RARG: variants seen among roughly 807,000 people sequenced by gnomAD.
RARG encodes retinoic acid receptor gamma, also known as RAR-gamma.
A neutral mutation model predicts 43.7 loss-of-function variants in RARG; 17 were observed. The observed-to-expected ratio is 0.39, with a 90% CI of 0.27 to 0.58. RARG has a LOEUF of 0.58. Ranked by LOEUF, RARG falls within the 20% of genes least tolerant of loss-of-function variation. The probability of loss-of-function intolerance (pLI) is 0.57; values close to 1 mark genes in which losing one functional copy is unlikely to be tolerated. For missense variants in RARG, 346 were observed against 598.7 expected (o/e 0.58, Z 4.40); for synonymous variants, 238 against 236.4 (o/e 1.01, Z -0.06).
At chr12:53,214,723 T>A (rs1254478384) in intron 5 of RARG, 117 bp from the exon 6 acceptor site, 18 of 1,118,478 alleles carry the variant, frequency 1.6e-5, no homozygotes, top group Non-Finnish European at 2.0e-5. Context: ...TCTCTGGCAC[T>A]GTAATTACTG....
chr12:53,227,468 G>C lies in RARG; in HGVS notation c.78C>G (p.Pro26=), dbSNP rs771541377. The C allele has an allele frequency of 1.3e-5, 21 of 1,610,222 alleles. 1 individual carries two copies. The South Asian group carries it at 2.3e-4, about 18-fold the overall frequency. ...PGSGYPGAGF[P]FAFPGALRGS... ...CCCTGAGTGCCCCTGGGAAGGCGAA[G>C]GGGAAACCTGCCCCTGGGTAGCCAG... The change falls in exon 3 of 10, where the codon CCC becomes CCG. Residue 26 remains proline (P), a synonymous_variant. Coordinates refer to ENST00000425354, the MANE Select transcript of RARG (RefSeq NM_000966.6). This position sits in a 1 kb window ranked among gnomAD's most constrained non-coding sequence, Gnocchi z 4.3.
At chr12:53,217,435 A>G (rs1942808358) in intron 3 of RARG, among the ~76,000 whole-genome samples, 1 of 152,190 alleles carries the variant, frequency 6.6e-6, no homozygotes, top group Non-Finnish European at 1.5e-5. Flanking sequence ...CTGCCCGCAG[A>G]GCGCTGCCTC....
intron 3 of RARG, among the ~76,000 whole-genome samples, chr12:53,222,447 C>G (rs1205397306): frequency 1.3e-5 from 2 of 152,230 alleles, no homozygotes; most frequent in East Asian, 3.9e-4. Context: ...CTGTCAGTAC[C>G]CCCCTTCCCC....
Position 53,227,841 on chromosome 12 carries a change from C to T in RARG, c.-142-154G>A, listed in dbSNP as rs992229572. On this transcript the variant is annotated intron_variant, in intron 2 of 9. Transcript: ENST00000425354. The surrounding 1 kb of genome is among the most constrained non-coding windows in gnomAD (Gnocchi z 4.3). Reference sequence around the variant, plus strand: ...CCCTTGCAGTGTGGTAGAGAGGGCACGGCAGGGGGTTATGCAGGCTCTGAG... The same window carrying T: ...CCCTTGCAGTGTGGTAGAGAGGGCATGGCAGGGGGTTATGCAGGCTCTGAG... Among the ~76,000 whole-genome samples the T allele has an allele frequency of 2.0e-5, 3 of 152,170 alleles. No individual in the cohort carries two copies. The highest frequency in any genetic ancestry group is 2.1e-4 in the South Asian group (1 of 4,830).
Position 53,213,051 on chromosome 12 carries a change from G to A in RARG, c.1177+34C>T. ...CGACCTGGGAGACCAACAGCCCTGG[G>A]AAGACAGAGAGGGGACACCCACTCA... is the stretch of plus-strand genomic sequence containing the variant. On this transcript the variant is annotated intron_variant, in intron 9 of 9. Transcript: ENST00000425354. This position sits in a 1 kb window ranked among gnomAD's most constrained non-coding sequence, Gnocchi z 4.7. 1.9e-6 allele frequency: 3 copies of A among 1,585,764 alleles called. No individual in the cohort carries two copies. In the South Asian group the frequency reaches 3.5e-5, roughly 18 times the overall value.
intron 2 of RARG, among the ~76,000 whole-genome samples, chr12:53,229,089 T>C (rs1200531819): frequency 6.6e-6 from 1 of 152,014 alleles, no homozygotes. Context: ...TTGGCTTTCC[T>C]AGGAGCCCCA....
At chr12:53,216,823 T>A (rs1055861775) in intron 3 of RARG, among the ~76,000 whole-genome samples, 2 of 135,728 alleles carry the variant, frequency 1.5e-5, no homozygotes, top group African/African-American at 2.9e-5. Context: ...GCTGGGTAAG[T>A]GTGTGTGTGT....
chr12:53,214,331 A>G, intron 6 of RARG, 96 bp from the exon 7 acceptor site: 1 of 1,538,354 alleles, frequency 6.5e-7, no homozygotes. Flanking sequence ...TCTCCTCTGC[A>G]TTCTGATGCC....
intron 3 of RARG, among the ~76,000 whole-genome samples, chr12:53,226,337 T>A (rs1368850070): frequency 2.0e-5 from 3 of 152,006 alleles, no homozygotes; most frequent in Non-Finnish European, 1.5e-5. Flanking sequence ...TTTTATTTTT[T>A]ATCTTTTTGA....
At chr12:53,220,110 G>C (rs1486507614) in intron 3 of RARG, 11 of 1,550,232 alleles carry the variant, frequency 7.1e-6, no homozygotes, top group Non-Finnish European at 9.6e-6. Context: ...TCGCGACCCG[G>C]CTTGAAGGGA....
intron 1 of RARG, 35 bp downstream of exon 1, chr12:53,231,939 C>G (rs557816847): frequency 2.5e-5 from 10 of 395,356 alleles, no homozygotes; most frequent in African/African-American, 2.1e-4. Context: ...ACCCAGGCGA[C>G]GGGGCGGGCG....
intron 3 of RARG, among the ~76,000 whole-genome samples, chr12:53,224,943 G>A (rs1943071280): frequency 6.6e-6 from 1 of 152,132 alleles, no homozygotes; most frequent in Admixed American, 6.5e-5. Flanking sequence ...GGCGCAAGGG[G>A]GACGTCACTG....
Position 53,220,049 on chromosome 12 carries a change from C to T in RARG, c.185-4255G>A, listed in dbSNP as rs1592438368. 6.5e-6 allele frequency: 10 copies of T among 1,547,830 alleles called. No homozygotes were observed. The East Asian group carries it at 2.5e-4, about 38-fold the overall frequency. On this transcript the variant is annotated intron_variant, in intron 3 of 9. Coordinates refer to ENST00000425354, the MANE Select transcript of RARG (RefSeq NM_000966.6). ...AGCAAGCCGGCCCCGGGCCCGGCCGCCCCGTACAGCCGTCGCGGACCCGGG... is the reference window on the plus strand; with the variant it reads ...AGCAAGCCGGCCCCGGGCCCGGCCGTCCCGTACAGCCGTCGCGGACCCGGG...
chr12:53,216,852 G>GCA, intron 3 of RARG, among the ~76,000 whole-genome samples: 2 of 120,640 alleles, frequency 1.7e-5, no homozygotes, highest in South Asian at 6.2e-4. Context: ...GCGCGCGCGC[G>GCA]CGCGCGCGCG....
intron 2 of RARG, among the ~76,000 whole-genome samples, chr12:53,229,439 A>G (rs1360346047): frequency 6.6e-6 from 1 of 152,030 alleles, no homozygotes; most frequent in Non-Finnish European, 1.5e-5. Context: ...CCAGACCCCA[A>G]CGCCATCACA....
At chr12:53,216,367 G>T (rs1300525821) in intron 3 of RARG, among the ~76,000 whole-genome samples, 4 of 152,172 alleles carry the variant, frequency 2.6e-5, no homozygotes, top group Admixed American at 2.0e-4. Flanking sequence ...AGTAGTACAG[G>T]GGGGATAACT....
Position 53,213,165 on chromosome 12 carries a change from C to G in RARG, c.1097G>C (p.Arg366Pro). The change falls in exon 9 of 10, where the codon CGG becomes CCG. Residue 366 changes from arginine to proline, a missense_variant. Coordinates refer to ENST00000425354, the MANE Select transcript of RARG (RefSeq NM_000966.6). The surrounding 1 kb of genome is among the most constrained non-coding windows in gnomAD (Gnocchi z 4.7). ...GTAGGGCTGGCTGGGCCGCCGGCGC[C>G]GGGCGTACAGCCTCAGGGCTTCCAG... ...PLLEALRLYA[R>P]RRRPSQPYMF... The G allele has an allele frequency of 6.2e-7, 1 of 1,613,352 alleles. No individual in the cohort carries two copies.
chr12:53,214,283 T>C (rs1489549247), intron 6 of RARG, 48 bp from the exon 7 acceptor site: 1 of 1,568,900 alleles, frequency 6.4e-7, no homozygotes, highest in African/African-American at 1.4e-5. Context: ...AAGGCCCACC[T>C]CTGGGGGCTG....
Position 53,230,836 on chromosome 12 carries a change from C to CGTGTGTGTGT in RARG, c.-143+323_-143+332dup, listed in dbSNP as rs59367849. Among the ~76,000 whole-genome samples the CGTGTGTGTGT allele has an allele frequency of 1.2e-3, 149 of 119,994 alleles. 1 individual carries two copies. The highest frequency in any genetic ancestry group is 4.9e-3 in the South Asian group (17 of 3,446). 78.7% of individuals were successfully genotyped at this position (119,994 alleles called of 152,430 possible). On this transcript the variant is annotated intron_variant, in intron 2 of 9. Coordinates refer to ENST00000425354, the MANE Select transcript of RARG (RefSeq NM_000966.6). ...GCCTACTAGGCTGTAGGCCACAGTG[C>CGTGTGTGTGT]GTGTGTGTGTGTGTGTGTGTGTGTG...
Sources: allele counts gnomAD v4.1 joint callset (sites outside exome capture counted in the v4.1 genomes callset), GRCh38; gene constraint gnomAD v4.1.1; non-coding constraint Gnocchi (gnomAD v3.1); transcripts MANE v1.5; gene names NCBI Gene and HGNC (gene_info 2026-07-23, HGNC 2026-07-21).